The following ARHGAP42 variants were observed in gnomAD, a reference collection of about 807,000 sequenced individuals.
The protein encoded by ARHGAP42 is rho GTPase-activating protein 42.
Under a neutral mutation model 125.0 loss-of-function variants are expected in ARHGAP42, and 63 were observed. The ratio of observed to expected loss-of-function variants is 0.50; its 90% CI spans 0.41 to 0.62. ARHGAP42 has a LOEUF of 0.62. Ranked by LOEUF, ARHGAP42 falls within the 20% of genes least tolerant of loss-of-function variation. The pLI, the probability that ARHGAP42 is intolerant of heterozygous loss-of-function variation, is 0.00. For synonymous variants in ARHGAP42, 339 were observed against 351.0 expected, an observed-to-expected ratio of 0.97 and a Z score of 0.38; for missense variants, 766 against 1,024.2, an observed-to-expected ratio of 0.75 and a Z score of 3.44.
intron 4 of ARHGAP42, among the ~76,000 whole-genome samples, chr11:100,902,696 A>G (rs771676747): frequency 1.3e-5 from 2 of 151,576 alleles, no homozygotes; most frequent in Non-Finnish European, 2.9e-5. Context: ...TCCAGTGCAG[A>G]CTCCTGCTGC....
chr11:100,858,913 C>T (rs1202115385), intron 3 of ARHGAP42, among the ~76,000 whole-genome samples: 2 of 152,024 alleles, frequency 1.3e-5, no homozygotes, highest in Admixed American at 1.3e-4. Flanking sequence ...CTTGCACTCC[C>T]ATTGTAGTAG....
intron 2 of ARHGAP42, among the ~76,000 whole-genome samples, chr11:100,793,928 TAAAC>T (rs1863637904): frequency 1.3e-5 from 2 of 151,294 alleles, no homozygotes; most frequent in Admixed American, 6.6e-5. Context: ...AGTAAATAAA[TAAAC>T]AAAATTAGCC....
At chr11:100,806,596 T>TAAA (rs113504745) in intron 3 of ARHGAP42, among the ~76,000 whole-genome samples, 2,371 of 151,288 alleles carry the variant, frequency 0.016, 66 homozygotes, top group African/African-American at 0.054. Flanking sequence ...CACCTGAAAT[T>TAAA]AAAAAAAATA....
At chr11:100,788,133 A>G (rs1454622430) in intron 2 of ARHGAP42, among the ~76,000 whole-genome samples, 1 of 152,244 alleles carries the variant, frequency 6.6e-6, no homozygotes, top group East Asian at 1.9e-4. Flanking sequence ...AATGTCTAGT[A>G]AGCTCCTCCA....
In ARHGAP42 at chr11:100,949,581, G is replaced by A. The variant is rs534554641; in HGVS notation, c.1123-336G>A. Among the ~76,000 whole-genome samples, 95 of 152,216 alleles carry A rather than the reference G, an allele frequency of 6.2e-4. 2 individuals are homozygous for A. In the South Asian group the frequency reaches 0.019, roughly 30 times the overall value. ...GAACAGGCTAAGCAGGAAATTGGAA[G>A]AAGGAGCAATTCCGGAAATCCATTA... On this transcript the variant is annotated intron_variant, in intron 11 of 23. Transcript: ENST00000298815.
intron 3 of ARHGAP42, among the ~76,000 whole-genome samples, chr11:100,843,277 T>A (rs1864984010): frequency 6.6e-6 from 1 of 151,900 alleles, no homozygotes; most frequent in South Asian, 2.1e-4. Flanking sequence ...AAAAGTTAGA[T>A]ACCCTAAACA....
intron 4 of ARHGAP42, among the ~76,000 whole-genome samples, chr11:100,903,709 A>AATATATAT (rs139506492): frequency 0.017 from 1,058 of 62,606 alleles, 27 homozygotes; most frequent in Non-Finnish European, 0.021. Context: ...TGTCCCTCAA[A>AATATATAT]ATATATATAT....
At chr11:100,904,618 C>G (rs932889959) in intron 4 of ARHGAP42, among the ~76,000 whole-genome samples, 3 of 152,094 alleles carry the variant, frequency 2.0e-5, no homozygotes, top group African/African-American at 7.2e-5. Flanking sequence ...TTTCTTTTGT[C>G]CTTTTTCTCC....
At chr11:100,866,575 C>T (rs1281604875) in intron 4 of ARHGAP42, among the ~76,000 whole-genome samples, 1 of 152,140 alleles carries the variant, frequency 6.6e-6, no homozygotes, top group Non-Finnish European at 1.5e-5. Flanking sequence ...TTGTGGAGGC[C>T]TCAGGAAACT....
rs1565309941 is a variant in ARHGAP42, at chr11:100,989,731, T to G, written c.*930T>G. 3 of 152,224 alleles carry G rather than the reference T, an allele frequency of 2.0e-5. No individual in the cohort carries two copies. Among genetic ancestry groups the G allele is most frequent in the South Asian group, 2.1e-4 (1 of 4,834 alleles). The allele number at this position is 152,224 out of a possible 1,614,324, so 9.4% of individuals were successfully genotyped here. On this transcript the variant is annotated 3_prime_UTR_variant, in exon 24 of 24. Transcript: ENST00000298815. ...CAGTATCAAGGCATACAACTTAAAT[T>G]CCACTTGGAAGATTGTAAAGTGTCA...
chr11:100,729,053 G>A (rs1861912294), intron 1 of ARHGAP42, among the ~76,000 whole-genome samples: 1 of 149,700 alleles, frequency 6.7e-6, no homozygotes, highest in South Asian at 2.1e-4. Flanking sequence ...ACAGGTGTGA[G>A]CCACTGCACG....
At chr11:100,778,220 T>C (rs1419301608) in intron 2 of ARHGAP42, among the ~76,000 whole-genome samples, 1 of 151,812 alleles carries the variant, frequency 6.6e-6, no homozygotes, top group African/African-American at 2.4e-5. Flanking sequence ...AGCCATGAGA[T>C]TCTTCTTGGG....
chr11:100,805,021 A>G (rs1002990656), intron 3 of ARHGAP42, among the ~76,000 whole-genome samples: 4 of 152,230 alleles, frequency 2.6e-5, no homozygotes, highest in African/African-American at 7.2e-5. Flanking sequence ...GATGATAGCA[A>G]CTGACACTGA....
chr11:100,692,119 C>T (rs1161728655), intron 1 of ARHGAP42, among the ~76,000 whole-genome samples: 1 of 152,188 alleles, frequency 6.6e-6, no homozygotes, highest in East Asian at 1.9e-4. Context: ...GCTATCCTTT[C>T]TTCCTTATTT....
At chr11:100,731,152 A>C (rs1861950167) in intron 1 of ARHGAP42, among the ~76,000 whole-genome samples, 1 of 151,910 alleles carries the variant, frequency 6.6e-6, no homozygotes, top group Admixed American at 6.6e-5. Flanking sequence ...TTAGATTTAT[A>C]TCATTATATT....
chr11:100,977,848 T>C (rs758370919), intron 21 of ARHGAP42, among the ~76,000 whole-genome samples: 3 of 152,234 alleles, frequency 2.0e-5, no homozygotes, highest in African/African-American at 4.8e-5. Context: ...ATTTTTAATA[T>C]GATGGCATTC....
chr11:100,905,689 A>T (rs902850919), intron 4 of ARHGAP42, among the ~76,000 whole-genome samples: 26 of 152,272 alleles, frequency 1.7e-4, no homozygotes, highest in Middle Eastern at 3.4e-3. Flanking sequence ...TACAAAACAA[A>T]TCTTGGACCG....
chr11:100,763,997 T>C (rs775508128), intron 1 of ARHGAP42, among the ~76,000 whole-genome samples: 13 of 149,518 alleles, frequency 8.7e-5, no homozygotes, highest in Non-Finnish European at 1.5e-4. Flanking sequence ...CTTCTCCTCC[T>C]CCTCCCCCTC....
chr11:100,890,045 A>T (rs1226693793), intron 4 of ARHGAP42, among the ~76,000 whole-genome samples: 1 of 152,214 alleles, frequency 6.6e-6, no homozygotes, highest in African/African-American at 2.4e-5. Context: ...AAGAACAAAT[A>T]CACAAAAATA....
Sources: allele counts gnomAD v4.1 joint callset (sites outside exome capture counted in the v4.1 genomes callset), GRCh38; gene constraint gnomAD v4.1.1; transcripts MANE v1.5; gene names NCBI Gene and HGNC (gene_info 2026-07-23, HGNC 2026-07-21).